IL36B: variants seen among roughly 807,000 people sequenced by gnomAD.
IL36B encodes the protein interleukin 36 beta.
Under a neutral mutation model 19.3 loss-of-function variants are expected in IL36B, and 23 were observed. The observed-to-expected ratio is 1.19, with a 90% CI of 0.86 to 1.69. The LOEUF is 1.69. IL36B is among the 40% of genes most tolerant of loss of function. IL36B has a pLI of 0.00. For missense variants in IL36B, 217 were observed against 200.5 expected (o/e 1.08, Z -0.50); for synonymous variants, 59 against 59.7 (o/e 0.99, Z 0.05).
intron 1 of IL36B, among the ~76,000 whole-genome samples, chr2:113,051,452 A>C (rs1685443746): frequency 6.6e-6 from 1 of 152,128 alleles, no homozygotes; most frequent in African/African-American, 2.4e-5. Flanking sequence ...TCTCTCTCAG[A>C]GCCTCACCTG....
intron 1 of IL36B, among the ~76,000 whole-genome samples, chr2:113,049,095 T>C (rs1332029777): frequency 1.3e-5 from 2 of 152,262 alleles, no homozygotes; most frequent in Admixed American, 1.3e-4. Flanking sequence ...ATGGTGCACA[T>C]GCAAAAGAAT....
At chr2:113,027,781 A>G in intron 4 of IL36B, 1 of 1,476,616 alleles carries the variant, frequency 6.8e-7, no homozygotes, top group East Asian at 2.5e-5. Flanking sequence ...GGATAGTAAG[A>G]ATGAGGTAAG....
chr2:113,049,734 C>T (rs1245244947), intron 1 of IL36B, among the ~76,000 whole-genome samples: 1 of 152,174 alleles, frequency 6.6e-6, no homozygotes, highest in Admixed American at 6.5e-5. Flanking sequence ...GTGGGCGGAC[C>T]ACCTGAGGTC....
chr2:113,027,962 G>A, intron 4 of IL36B: 1 of 1,614,164 alleles, frequency 6.2e-7, no homozygotes, highest in Non-Finnish European at 8.5e-7. Context: ...TCCTTGGTGA[G>A]AAAGATGGGC....
chr2:113,025,987 G>T (rs1163701807), intron 5 of IL36B: 14 of 1,463,690 alleles, frequency 9.6e-6, no homozygotes, highest in African/African-American at 1.4e-5. Flanking sequence ...CTTGAACTTA[G>T]ACCTGCCATG....
chr2:113,040,032 G>A (rs1283977011), intron 1 of IL36B, among the ~76,000 whole-genome samples: 1 of 152,186 alleles, frequency 6.6e-6, no homozygotes, highest in Non-Finnish European at 1.5e-5. Context: ...AAATCCAATA[G>A]TCTTTCTTGA....
chr2:113,028,046 CT>C lies in IL36B; in HGVS notation c.261+892del. The C allele has an allele frequency of 2.5e-6, 4 of 1,614,116 alleles. No homozygotes were observed. The South Asian group carries it at 4.4e-5, about 18-fold the overall frequency. On this transcript the variant is annotated intron_variant, in intron 4 of 5. Transcript: ENST00000259213. ...GACTGAAAGACAGAAGTGGAGCCTT[CT>C]TTATTGTGGAAAAAGAGAAAGGGCT... is the stretch of plus-strand genomic sequence containing the variant.
intron 4 of IL36B, among the ~76,000 whole-genome samples, 194 bp downstream of exon 4, chr2:113,028,745 C>T (rs955375236): frequency 1.3e-5 from 2 of 152,158 alleles, no homozygotes; most frequent in Admixed American, 6.5e-5. Flanking sequence ...AGGATCTATG[C>T]TCTGACATTA....
chr2:113,034,249 C>T (rs560934619), intron 1 of IL36B, among the ~76,000 whole-genome samples: 1 of 152,274 alleles, frequency 6.6e-6, no homozygotes, highest in South Asian at 2.1e-4. Context: ...GCAAGCTTAT[C>T]TTCGCCTGCA....
At chr2:113,042,291 A>G (rs1243548326) in intron 1 of IL36B, among the ~76,000 whole-genome samples, 2 of 152,204 alleles carry the variant, frequency 1.3e-5, no homozygotes, top group Non-Finnish European at 2.9e-5. Flanking sequence ...TATATCCCTT[A>G]ATCCTGCACT....
At chr2:113,033,193 A>G (rs1323056421) in intron 1 of IL36B, among the ~76,000 whole-genome samples, 1 of 152,176 alleles carries the variant, frequency 6.6e-6, no homozygotes, top group Non-Finnish European at 1.5e-5. Context: ...AAGTTGTAAG[A>G]GCTTTACCTG....
Position 113,022,705 on chromosome 2 carries a change from C to G in IL36B, c.464G>C (p.Arg155Pro). Reference sequence around the variant, plus strand: ...CCTTCCTGGCATTCCTATGTTGGTCCGCATGGATGAGAAATCTTTGTCCTT... The same window carrying G: ...CCTTCCTGGCATTCCTATGTTGGTCGGCATGGATGAGAAATCTTTGTCCTT... Residue 155 changes from arginine to proline, a missense_variant, in exon 6 of 6, where the codon CGG (arginine) becomes CCG (proline). Physicochemically the swap from Arg to Pro is moderately radical, Grantham distance 103 (BLOSUM62 -2). Coordinates refer to ENST00000259213, the MANE Select transcript of IL36B (RefSeq NM_014438.5). 6.2e-7 allele frequency: 1 copy of G among 1,611,780 alleles called. No homozygotes were observed. Among genetic ancestry groups the G allele is most frequent in the South Asian group, 1.1e-5 (1 of 91,006 alleles).
At chr2:113,051,382 A>G (rs1260978153) in intron 1 of IL36B, among the ~76,000 whole-genome samples, 2 of 152,248 alleles carry the variant, frequency 1.3e-5, no homozygotes, top group African/African-American at 4.8e-5. Flanking sequence ...GGACTCAGTC[A>G]GCAGAAACTG....
chr2:113,039,566 G>T (rs942087240), intron 1 of IL36B, among the ~76,000 whole-genome samples: 1 of 152,016 alleles, frequency 6.6e-6, no homozygotes, highest in African/African-American at 2.4e-5. Context: ...AAACTAGAGG[G>T]GAGGATGAAC....
chr2:113,046,930 G>T (rs1008867328), intron 1 of IL36B, among the ~76,000 whole-genome samples: 1 of 152,122 alleles, frequency 6.6e-6, no homozygotes, highest in Admixed American at 6.5e-5. Context: ...GAGCCTGAAG[G>T]TTATGTTGTA....
intron 5 of IL36B, among the ~76,000 whole-genome samples, chr2:113,025,533 C>T (rs1023102823): frequency 3.3e-5 from 5 of 152,030 alleles, no homozygotes; most frequent in South Asian, 2.1e-4. Context: ...ATTTGGTTGA[C>T]GAGAAGAGAG....
At chr2:113,041,982 G>A (rs570353750) in intron 1 of IL36B, among the ~76,000 whole-genome samples, 3 of 152,174 alleles carry the variant, frequency 2.0e-5, no homozygotes, top group South Asian at 2.1e-4. Context: ...ATGCTGGGAG[G>A]CTTTTTCCAG....
intron 4 of IL36B, chr2:113,027,967 A>C (rs1684994890): frequency 6.2e-7 from 1 of 1,614,184 alleles, no homozygotes; most frequent in Non-Finnish European, 8.5e-7. Flanking sequence ...GGTGAGAAAG[A>C]TGGGCTGTCC....
chr2:113,042,386 C>T (rs1685273169), intron 1 of IL36B, among the ~76,000 whole-genome samples: 1 of 152,086 alleles, frequency 6.6e-6, no homozygotes, highest in Non-Finnish European at 1.5e-5. Context: ...TAAGTTTTGA[C>T]ATATGTCTAT....
Sources: gnomAD v4.1 joint callset for allele counts (sites outside exome capture counted in the v4.1 genomes callset) on GRCh38, gnomAD v4.1.1 for gene constraint, MANE v1.5 for transcripts, NCBI Gene and HGNC (gene_info 2026-07-23, HGNC 2026-07-21) for gene names.